COG5: variants seen among roughly 807,000 people sequenced by gnomAD.
The protein encoded by COG5 is component of oligomeric golgi complex 5.
Under a neutral mutation model 110.4 loss-of-function variants are expected in COG5, and 86 were observed. That is an observed-to-expected ratio of 0.78 (90% CI 0.65 to 0.93). The LOEUF (loss-of-function observed/expected upper bound fraction) is 0.93, where lower values mean the gene tolerates loss of function less well. Ranked by LOEUF, COG5 falls within the 40% of genes least tolerant of loss-of-function variation. The pLI is 0.00. For synonymous variants in COG5, 360 were observed against 334.6 expected (o/e 1.08, Z -0.83); for missense variants, 1,077 against 987.0 (o/e 1.09, Z -1.22).
chr7:107,507,909 G>A (rs567567399), intron 6 of COG5, among the ~76,000 whole-genome samples: 5 of 152,304 alleles, frequency 3.3e-5, no homozygotes, highest in South Asian at 4.1e-4. Flanking sequence ...TCATGGGGTG[G>A]GTGGAGCTAA....
intron 6 of COG5, among the ~76,000 whole-genome samples, chr7:107,478,639 T>A (rs1797129191): frequency 6.6e-6 from 1 of 152,052 alleles, no homozygotes; most frequent in Admixed American, 6.6e-5. Flanking sequence ...CATAGTTATG[T>A]ATGTATAGGA....
At chr7:107,251,243 T>G (rs1157135099) in intron 16 of COG5, among the ~76,000 whole-genome samples, 2 of 152,034 alleles carry the variant, frequency 1.3e-5, no homozygotes, top group Non-Finnish European at 2.9e-5. Context: ...TTTTAAGTGC[T>G]AAGAGAAAAA....
chr7:107,358,298 A>G (rs1369150607), intron 10 of COG5, among the ~76,000 whole-genome samples: 2 of 152,222 alleles, frequency 1.3e-5, no homozygotes, highest in African/African-American at 2.4e-5. Flanking sequence ...ATTTGTGTAG[A>G]AAGCCAAAAC....
intron 10 of COG5, among the ~76,000 whole-genome samples, chr7:107,330,539 T>A (rs1428222384): frequency 6.6e-6 from 1 of 152,190 alleles, no homozygotes; most frequent in Non-Finnish European, 1.5e-5. Context: ...AACACCAAAT[T>A]GACCATGGAT....
At chr7:107,356,388 C>G (rs1200381920) in intron 10 of COG5, among the ~76,000 whole-genome samples, 1 of 152,102 alleles carries the variant, frequency 6.6e-6, no homozygotes, top group African/African-American at 2.4e-5. Flanking sequence ...CAGTGAATTT[C>G]AAGTACAGAC....
intron 5 of COG5, among the ~76,000 whole-genome samples, chr7:107,544,712 A>T (rs1802290768): frequency 6.6e-6 from 1 of 152,234 alleles, no homozygotes; most frequent in African/African-American, 2.4e-5. Context: ...CTACTTCTTC[A>T]AATGTGCAGG....
intron 16 of COG5, among the ~76,000 whole-genome samples, chr7:107,250,730 G>T (rs1213147852): frequency 6.6e-6 from 1 of 152,030 alleles, no homozygotes; most frequent in Non-Finnish European, 1.5e-5. Context: ...AATTATAGTA[G>T]CTGAAATTGT....
At chr7:107,284,617 C>T (rs1224331429) in intron 12 of COG5, among the ~76,000 whole-genome samples, 1 of 152,162 alleles carries the variant, frequency 6.6e-6, no homozygotes, top group Non-Finnish European at 1.5e-5. Context: ...TTCTATGCTA[C>T]TTTGTTTTAT....
chr7:107,282,207 CT>C, intron 13 of COG5, among the ~76,000 whole-genome samples: 1 of 152,216 alleles, frequency 6.6e-6, no homozygotes, highest in East Asian at 1.9e-4. Flanking sequence ...CAAAAATGCA[CT>C]TTCATACAGT....
At chr7:107,238,206 C>T (rs192032468) in intron 17 of COG5, among the ~76,000 whole-genome samples, 18 of 152,220 alleles carry the variant, frequency 1.2e-4, no homozygotes, top group South Asian at 6.2e-4. Flanking sequence ...TCTATGTATT[C>T]GGTTGTTTTA....
chr7:107,500,062 A>G (rs779433052), intron 6 of COG5, among the ~76,000 whole-genome samples: 1 of 152,134 alleles, frequency 6.6e-6, no homozygotes, highest in East Asian at 1.9e-4. Flanking sequence ...GCACTCAACC[A>G]AACTGAGACC....
intron 5 of COG5, among the ~76,000 whole-genome samples, chr7:107,546,064 A>ATTTCTAG (rs1349250868): frequency 1.3e-5 from 2 of 152,136 alleles, no homozygotes; most frequent in Non-Finnish European, 2.9e-5. Context: ...TCAATAAAGG[A>ATTTCTAG]TGGATTTCGA....
intron 6 of COG5, among the ~76,000 whole-genome samples, chr7:107,455,395 G>A (rs1472780152): frequency 6.6e-6 from 1 of 152,128 alleles, no homozygotes; most frequent in African/African-American, 2.4e-5. Context: ...GCAAAAAGTT[G>A]ATAAAATTTA....
chr7:107,526,984 T>A (rs771292243), intron 6 of COG5, among the ~76,000 whole-genome samples: 1 of 152,148 alleles, frequency 6.6e-6, no homozygotes. Context: ...AATCTGTATA[T>A]GTATTAAAAT....
intron 5 of COG5, among the ~76,000 whole-genome samples, chr7:107,534,759 A>G (rs1462209727): frequency 6.6e-6 from 1 of 151,540 alleles, no homozygotes; most frequent in Non-Finnish European, 1.5e-5. Context: ...AGTCAGATCA[A>G]CGAAACAGAA....
intron 7 of COG5, among the ~76,000 whole-genome samples, chr7:107,411,830 T>C (rs1028409079): frequency 2.0e-5 from 3 of 152,124 alleles, no homozygotes; most frequent in Non-Finnish European, 4.4e-5. Flanking sequence ...ACTCTATTAA[T>C]AATTATATTG....
chr7:107,217,447 A>G (rs1230963182), intron 19 of COG5, among the ~76,000 whole-genome samples: 1 of 152,186 alleles, frequency 6.6e-6, no homozygotes, highest in Non-Finnish European at 1.5e-5. Flanking sequence ...TTACAGGGCA[A>G]TATCCTTGAT....
At position 107,447,971 on chromosome 7, in the gene COG5, T is replaced by C. The variant is rs576320773; in HGVS notation, c.539-35339A>G. 9.0e-4 allele frequency among the ~76,000 whole-genome samples: 137 copies of C among 152,042 alleles called. 2 individuals carry two copies. Among genetic ancestry groups the C allele is most frequent in the African/African-American group, 3.3e-3 (137 of 41,480 alleles). ...AGGAGTTCGAGACCAGCCTGGCCAA[T>C]ATGGTGAAACCCCATCTCTACTAAA... On this transcript the variant is annotated intron_variant, in intron 6 of 21. Coordinates refer to ENST00000297135, the MANE Select transcript of COG5 (RefSeq NM_006348.5).
At chr7:107,432,470 A>G (rs914551103) in intron 6 of COG5, among the ~76,000 whole-genome samples, 1 of 152,206 alleles carries the variant, frequency 6.6e-6, no homozygotes, top group Non-Finnish European at 1.5e-5. Context: ...CTCTGAGGAC[A>G]TGAACTTAGG....
Sources: gnomAD v4.1 joint callset for allele counts (sites outside exome capture counted in the v4.1 genomes callset) on GRCh38, gnomAD v4.1.1 for gene constraint, MANE v1.5 for transcripts, NCBI Gene and HGNC (gene_info 2026-07-23, HGNC 2026-07-21) for gene names.